The following PARN variants were observed in gnomAD, a reference collection of about 807,000 sequenced individuals.
The protein encoded by PARN is poly(A)-specific ribonuclease.
In PARN, 71 loss-of-function variants were observed where a neutral mutation model predicts 102.8. That is an observed-to-expected ratio of 0.69 (90% confidence interval 0.57 to 0.84). The LOEUF (loss-of-function observed/expected upper bound fraction) is 0.84. Among genes scored for constraint, PARN ranks in the 40% least tolerant of loss-of-function variants. The pLI is 0.00. For missense variants in PARN, 782 were observed against 760.9 expected (o/e 1.03, Z -0.33); for synonymous variants, 261 against 252.9 (o/e 1.03, Z -0.30).
intron 21 of PARN, among the ~76,000 whole-genome samples, chr16:14,546,492 C>A (rs912725766): frequency 2.6e-5 from 4 of 152,180 alleles, no homozygotes; most frequent in African/African-American, 7.2e-5. Flanking sequence ...TGAGTTCCTG[C>A]CTCTTCTAAA....
chr16:14,607,689 T>A, intron 9 of PARN, among the ~76,000 whole-genome samples: 1 of 152,134 alleles, frequency 6.6e-6, no homozygotes, highest in Non-Finnish European at 1.5e-5. Flanking sequence ...AAACAGCCCT[T>A]TCCTGTTGTG....
chr16:14,576,722 C>G (rs779727645), intron 18 of PARN, among the ~76,000 whole-genome samples: 3 of 152,210 alleles, frequency 2.0e-5, no homozygotes, highest in Non-Finnish European at 4.4e-5. Flanking sequence ...CTGTCATTAG[C>G]AGTGGCGTGA....
chr16:14,591,390 T>TAA (rs11352789), intron 13 of PARN, among the ~76,000 whole-genome samples: 1 of 139,114 alleles, frequency 7.2e-6, no homozygotes, highest in Admixed American at 7.2e-5. Flanking sequence ...ACTCCATCTC[T>TAA]AAAAAAAAAA....
chr16:14,599,816 G>T, intron 12 of PARN, 88 bp downstream of exon 12: 2 of 781,156 alleles, frequency 2.6e-6, no homozygotes, highest in South Asian at 1.7e-5. Flanking sequence ...TTCTAAAGGA[G>T]ATGAAATGAT....
chr16:14,482,689 T>C lies in PARN; in HGVS notation c.1619A>G (p.Asn540Ser). ...CAGGGTGTAGGGTATGCACTGGGGG[T>C]TTAACCGTTTGCTGTCAGCCTCCTT... ...SWKEADSKRL[N>S]PQCIPYTLQN... Residue 540 changes from asparagine to serine, a missense_variant, in exon 22 of 24, where the codon AAC becomes AGC. By Grantham distance (46) the Asn-to-Ser change is conservative. Transcript: ENST00000437198. 1 of 1,613,778 alleles carries C rather than the reference T, an allele frequency of 6.2e-7. No individual in the cohort carries two copies. The highest frequency in any genetic ancestry group is 1.1e-5 in the South Asian group (1 of 91,038).
chr16:14,534,334 T>C (rs780890905), intron 21 of PARN, among the ~76,000 whole-genome samples: 1 of 151,966 alleles, frequency 6.6e-6, no homozygotes. Context: ...GTTGTTACTA[T>C]AAAGAACACA....
intron 21 of PARN, among the ~76,000 whole-genome samples, chr16:14,533,672 A>C (rs538041167): frequency 6.6e-6 from 1 of 152,248 alleles, no homozygotes; most frequent in Non-Finnish European, 1.5e-5. Context: ...ACTCCAACTT[A>C]TGACCGGAGG....
At chr16:14,439,534 T>G (rs1960858591) in intron 23 of PARN, among the ~76,000 whole-genome samples, 2 of 152,332 alleles carry the variant, frequency 1.3e-5, no homozygotes, top group East Asian at 1.9e-4. Context: ...ACTTGAATTG[T>G]ACATTTTAAT....
intron 21 of PARN, among the ~76,000 whole-genome samples, chr16:14,527,981 C>T (rs1007095752): frequency 6.6e-6 from 1 of 152,170 alleles, no homozygotes; most frequent in Non-Finnish European, 1.5e-5. Flanking sequence ...ACCTGCATAT[C>T]CCTGGGGATG....
chr16:14,458,872 T>C (rs771896616), intron 22 of PARN, among the ~76,000 whole-genome samples: 2 of 152,070 alleles, frequency 1.3e-5, no homozygotes, highest in Admixed American at 6.6e-5. Flanking sequence ...CCAGGTACAA[T>C]GGTGAAGAGT....
intron 11 of PARN, among the ~76,000 whole-genome samples, chr16:14,602,771 C>T (rs1970954211): frequency 6.6e-6 from 1 of 152,150 alleles, no homozygotes; most frequent in Non-Finnish European, 1.5e-5. Context: ...TGAAACAGTT[C>T]CTCATTGCCT....
At chr16:14,584,106 G>C (rs1769694809) in intron 16 of PARN, among the ~76,000 whole-genome samples, 1 of 152,156 alleles carries the variant, frequency 6.6e-6, no homozygotes, top group African/African-American at 2.4e-5. Context: ...AAGCCTTGAA[G>C]CTTTAATTGC....
At chr16:14,471,793 A>T (rs1355213516) in intron 22 of PARN, among the ~76,000 whole-genome samples, 1 of 152,164 alleles carries the variant, frequency 6.6e-6, no homozygotes, top group Non-Finnish European at 1.5e-5. Context: ...CATTTTGCAT[A>T]ATGTCCTCAA....
At chr16:14,601,245 C>G (rs979360898) in intron 11 of PARN, among the ~76,000 whole-genome samples, 1 of 152,172 alleles carries the variant, frequency 6.6e-6, no homozygotes, top group African/African-American at 2.4e-5. Context: ...AAAATGTGGT[C>G]TAGCCACACA....
At chr16:14,553,652 T>C (rs939480905) in intron 20 of PARN, among the ~76,000 whole-genome samples, 11 of 152,218 alleles carry the variant, frequency 7.2e-5, no homozygotes, top group African/African-American at 1.9e-4. Flanking sequence ...CCCTACCTCA[T>C]ACACGTATCA....
intron 18 of PARN, among the ~76,000 whole-genome samples, chr16:14,562,998 T>C (rs1291760813): frequency 6.6e-6 from 1 of 152,212 alleles, no homozygotes; most frequent in African/African-American, 2.4e-5. Flanking sequence ...AATGCTGCTA[T>C]TAACCCATTT....
chr16:14,535,080 C>T (rs1046614517), intron 21 of PARN, among the ~76,000 whole-genome samples: 3 of 152,166 alleles, frequency 2.0e-5, no homozygotes, highest in Admixed American at 1.3e-4. Context: ...GTGATCCGCT[C>T]GCCTCGGCCT....
At chr16:14,613,906 G>A (rs1329069159) in intron 6 of PARN, among the ~76,000 whole-genome samples, 1 of 152,060 alleles carries the variant, frequency 6.6e-6, no homozygotes, top group Non-Finnish European at 1.5e-5. Context: ...GCTGAAATAG[G>A]TACCAGAGCA....
chr16:14,483,306 C>CTG (rs1963481843), intron 21 of PARN, among the ~76,000 whole-genome samples: 1 of 152,136 alleles, frequency 6.6e-6, no homozygotes, highest in South Asian at 2.1e-4. Context: ...TCCGGTATGT[C>CTG]TGTGTGCAGT....
Sources: allele counts gnomAD v4.1 joint callset (sites outside exome capture counted in the v4.1 genomes callset), GRCh38; gene constraint gnomAD v4.1.1; transcripts MANE v1.5; gene names NCBI Gene and HGNC (gene_info 2026-07-23, HGNC 2026-07-21).